TSHZ2: variants seen among roughly 807,000 people sequenced by gnomAD.
The protein encoded by TSHZ2 is teashirt homolog 2.
TSHZ2 carries 21 observed loss-of-function variants against 74.4 expected under a neutral mutation model. That is an observed-to-expected ratio of 0.28 (90% confidence interval 0.20 to 0.41). TSHZ2 has a LOEUF of 0.41. TSHZ2 is among the 10% of genes least tolerant of loss of function. The pLI, the probability that TSHZ2 is intolerant of heterozygous loss-of-function variation, is 1.00. For missense variants in TSHZ2, 1,244 were observed against 1,293.5 expected (o/e 0.96, Z 0.59); for synonymous variants, 540 against 515.3 (o/e 1.05, Z -0.65).
intron 2 of TSHZ2, among the ~76,000 whole-genome samples, chr20:53,283,014 A>T (rs1473676552): frequency 2.0e-5 from 3 of 152,218 alleles, no homozygotes; most frequent in Non-Finnish European, 4.4e-5. Flanking sequence ...TTTATTCAGC[A>T]TTTATTATGT....
At chr20:53,283,597 TAGTA>T (rs897425867) in intron 2 of TSHZ2, among the ~76,000 whole-genome samples, 10 of 152,170 alleles carry the variant, frequency 6.6e-5, no homozygotes, top group African/African-American at 1.9e-4. Context: ...AAAAATAAAA[TAGTA>T]AGAAGAATAA....
At chr20:53,095,695 C>T (rs543587554) in intron 1 of TSHZ2, among the ~76,000 whole-genome samples, 3 of 152,272 alleles carry the variant, frequency 2.0e-5, no homozygotes, top group South Asian at 2.1e-4. Context: ...GGGGCTGTCT[C>T]GTGAACTGTA....
intron 2 of TSHZ2, among the ~76,000 whole-genome samples, chr20:53,273,882 GAGGACCAGGATACA>G (rs1327967035): frequency 2.6e-5 from 4 of 152,168 alleles, no homozygotes; most frequent in Non-Finnish European, 5.9e-5. Context: ...GTGGGCTCTA[GAGGACCAGGATACA>G]ACTGCTCTTC....
At chr20:53,280,902 C>G (rs1286216091) in intron 2 of TSHZ2, among the ~76,000 whole-genome samples, 3 of 152,096 alleles carry the variant, frequency 2.0e-5, no homozygotes, top group African/African-American at 4.8e-5. Context: ...CTGTGTTAAC[C>G]AGGGTGGTCT....
intron 2 of TSHZ2, among the ~76,000 whole-genome samples, chr20:53,343,070 G>A (rs1300455353): frequency 2.8e-5 from 4 of 142,078 alleles, no homozygotes; most frequent in Non-Finnish European, 3.0e-5. Flanking sequence ...GGGTTCAAGC[G>A]ATTCTCCTGC....
chr20:53,254,048 T>C lies in TSHZ2; in HGVS notation c.590T>C (p.Leu197Ser). Residue 197 changes from leucine (L) to serine (S), a missense_variant, in exon 2 of 3, where the codon TTG becomes TCG. By Grantham distance (145) the Leu-to-Ser change is moderately radical. Transcript: ENST00000371497. Reference protein sequence around the residue: ...SKPSLFSSVQLYRQSSKMCGT... With the variant: ...SKPSLFSSVQSYRQSSKMCGT... ...CCCAGCCTGTTCAGCTCGGTGCAGT[T>C]GTACCGACAGAGCAGCAAGATGTGC... The C allele has an allele frequency of 6.2e-7, 1 of 1,614,074 alleles. No homozygotes were observed. The highest frequency in any genetic ancestry group is 8.5e-7 in the Non-Finnish European group (1 of 1,180,012).
At chr20:53,271,637 A>G (rs1008184849) in intron 2 of TSHZ2, among the ~76,000 whole-genome samples, 2 of 152,192 alleles carry the variant, frequency 1.3e-5, no homozygotes, top group African/African-American at 4.8e-5. Flanking sequence ...TAACCAAATG[A>G]GAAGAGATCT....
chr20:53,211,325 A>G (rs1989298115), intron 1 of TSHZ2, among the ~76,000 whole-genome samples: 1 of 152,218 alleles, frequency 6.6e-6, no homozygotes, highest in African/African-American at 2.4e-5. Flanking sequence ...AAGCAAAGCA[A>G]AACAAGAGGT....
At chr20:53,245,688 G>C (rs1252993515) in intron 1 of TSHZ2, among the ~76,000 whole-genome samples, 1 of 152,174 alleles carries the variant, frequency 6.6e-6, no homozygotes, top group African/African-American at 2.4e-5. Context: ...TTTCTAACAA[G>C]CTCCCAGGTG....
At chr20:53,052,172 T>C (rs562377359) in intron 1 of TSHZ2, among the ~76,000 whole-genome samples, 50 of 152,296 alleles carry the variant, frequency 3.3e-4, no homozygotes, top group African/African-American at 1.2e-3. Flanking sequence ...ACCACTATTT[T>C]ATTTCCTGTT....
intron 1 of TSHZ2, among the ~76,000 whole-genome samples, chr20:53,138,118 C>T (rs1987291840): frequency 6.6e-6 from 1 of 152,192 alleles, no homozygotes; most frequent in Non-Finnish European, 1.5e-5. Context: ...CGCAGTGGCT[C>T]ATGCCTGTAA....
At chr20:53,096,927 CAAA>C (rs1249389406) in intron 1 of TSHZ2, among the ~76,000 whole-genome samples, 2 of 134,772 alleles carry the variant, frequency 1.5e-5, no homozygotes, top group Admixed American at 7.0e-5. Flanking sequence ...AAAAACAAAA[CAAA>C]AACAAAAAAC....
intron 2 of TSHZ2, among the ~76,000 whole-genome samples, chr20:53,378,754 A>T (rs976896963): frequency 7.2e-5 from 11 of 152,358 alleles, no homozygotes; most frequent in African/African-American, 2.4e-4. Flanking sequence ...GTCTTTAAAA[A>T]AAAACTGCCA....
intron 1 of TSHZ2, 102 bp downstream of exon 1, chr20:52,973,435 G>C (rs751889735): frequency 5.5e-6 from 8 of 1,453,082 alleles, no homozygotes; most frequent in South Asian, 1.3e-5. Context: ...TTAAGCTTTC[G>C]GGGGAGTTTG....
chr20:53,076,607 T>G (rs1985370417), intron 1 of TSHZ2, among the ~76,000 whole-genome samples: 1 of 152,138 alleles, frequency 6.6e-6, no homozygotes, highest in Non-Finnish European at 1.5e-5. Context: ...ATGAGTGATG[T>G]CAAAGCTCAC....
At chr20:53,276,934 A>G (rs1264348590) in intron 2 of TSHZ2, among the ~76,000 whole-genome samples, 2 of 152,236 alleles carry the variant, frequency 1.3e-5, no homozygotes, top group Non-Finnish European at 2.9e-5. Context: ...CTTACTGCAC[A>G]AAATCAAGTC....
intron 1 of TSHZ2, among the ~76,000 whole-genome samples, chr20:53,167,545 TTTTG>T (rs1228855684): frequency 6.6e-5 from 10 of 152,156 alleles, no homozygotes; most frequent in East Asian, 5.8e-4. Context: ...GGGAGTAATG[TTTTG>T]TTTGTTTGCT....
intron 1 of TSHZ2, among the ~76,000 whole-genome samples, chr20:53,023,536 T>C (rs1040995302): frequency 9.2e-5 from 14 of 152,100 alleles, no homozygotes; most frequent in African/African-American, 3.4e-4. Flanking sequence ...TTCTAAGTGG[T>C]GGAAGATGTG....
chr20:53,046,159 A>G (rs1299876135), intron 1 of TSHZ2, among the ~76,000 whole-genome samples: 1 of 152,126 alleles, frequency 6.6e-6, no homozygotes, highest in African/African-American at 2.4e-5. Context: ...AAGAGGGGAG[A>G]CACGAAGCCA....
Sources: gnomAD v4.1 joint callset for allele counts (sites outside exome capture counted in the v4.1 genomes callset) on GRCh38, gnomAD v4.1.1 for gene constraint, MANE v1.5 for transcripts, NCBI Gene and HGNC (gene_info 2026-07-23, HGNC 2026-07-21) for gene names.